CLXN: variants seen among roughly 807,000 people sequenced by gnomAD.
CLXN encodes calaxin.
At chr8:48,718,093 G>T in the CLXN span, among the ~76,000 whole-genome samples, 16 of 152,230 alleles carry the variant, frequency 1.1e-4, no homozygotes, top group African/African-American at 3.9e-4. Flanking sequence ...CAAGAGACTT[G>T]CTTTAAATTT....
chr8:48,730,041 T>TAGAAAATATTTCCTG, the CLXN span: 1 of 485,114 alleles, frequency 2.1e-6, no homozygotes, highest in Non-Finnish European at 3.5e-6. Context: ...CAATAATCCT[T>TAGAAAATATTTCCTG]AGAAAATATT....
the CLXN span, among the ~76,000 whole-genome samples, chr8:48,719,498 C>T: frequency 6.6e-6 from 1 of 152,096 alleles, no homozygotes; most frequent in Non-Finnish European, 1.5e-5. Flanking sequence ...CCCTGATGAA[C>T]ATTGGAACAA....
At chr8:48,730,103 C>A in the CLXN span, 6 of 391,876 alleles carry the variant, frequency 1.5e-5, no homozygotes, top group Non-Finnish European at 2.3e-5. Flanking sequence ...ACTTGAATAT[C>A]TTCACCTTGA....
the CLXN span, chr8:48,735,014 C>A: frequency 1.3e-6 from 2 of 1,531,834 alleles, no homozygotes; most frequent in South Asian, 2.3e-5. Flanking sequence ...GAAGCAGGCA[C>A]AACAGCGGAC....
the CLXN span, among the ~76,000 whole-genome samples, chr8:48,712,929 G>C: frequency 6.7e-6 from 1 of 150,068 alleles, no homozygotes; most frequent in Non-Finnish European, 1.5e-5. Context: ...GAATCTGGGA[G>C]GCAGAGGTTG....
At chr8:48,729,239 G>C in the CLXN span, 1 of 1,079,724 alleles carries the variant, frequency 9.3e-7, no homozygotes, top group Non-Finnish European at 1.3e-6. Flanking sequence ...AAAAAAATGT[G>C]CTAGGCTGGG....
At chr8:48,723,108 T>C in the CLXN span, among the ~76,000 whole-genome samples, 8 of 152,312 alleles carry the variant, frequency 5.3e-5, no homozygotes, top group African/African-American at 1.7e-4. Context: ...TTAACAGTAT[T>C]ATATATTTGA....
chr8:48,731,439 C>T, the CLXN span: 1 of 1,613,402 alleles, frequency 6.2e-7, no homozygotes, highest in Admixed American at 1.7e-5. Flanking sequence ...CCAGACCTTG[C>T]CTCTCTACTC....
chr8:48,728,949 G>A, the CLXN span: 1 of 788,748 alleles, frequency 1.3e-6, no homozygotes, highest in South Asian at 2.0e-5. Flanking sequence ...TTGGTGGACA[G>A]GATTTGTCTG....
the CLXN span, among the ~76,000 whole-genome samples, chr8:48,720,123 C>T: frequency 4.6e-5 from 7 of 152,302 alleles, no homozygotes; most frequent in Middle Eastern, 0.01. Flanking sequence ...TACGTCACCT[C>T]AGGACCACTG....
chr8:48,725,847 A>C, the CLXN span, among the ~76,000 whole-genome samples: 1 of 151,920 alleles, frequency 6.6e-6, no homozygotes, highest in Non-Finnish European at 1.5e-5. Flanking sequence ...ATAAATAATA[A>C]AATTCTAATC....
chr8:48,722,796 A>G, the CLXN span, among the ~76,000 whole-genome samples: 1 of 152,150 alleles, frequency 6.6e-6, no homozygotes, highest in Admixed American at 6.5e-5. Context: ...ACACAATGAA[A>G]TATCATTCTG....
chr8:48,716,894 T>G, the CLXN span, among the ~76,000 whole-genome samples: 1 of 152,172 alleles, frequency 6.6e-6, no homozygotes, highest in Non-Finnish European at 1.5e-5. Context: ...GAATTTTACT[T>G]AACTAATTAA....
chr8:48,729,587 T>A, the CLXN span: 1 of 857,850 alleles, frequency 1.2e-6, no homozygotes, highest in Non-Finnish European at 1.7e-6. Flanking sequence ...ACTATTAATA[T>A]GTTGAGGAGC....
the CLXN span, among the ~76,000 whole-genome samples, chr8:48,717,038 G>A: frequency 6.6e-6 from 1 of 152,156 alleles, no homozygotes; most frequent in Non-Finnish European, 1.5e-5. Context: ...GGTGGCACGT[G>A]CCTGTAATCC....
At chr8:48,729,816 C>T in the CLXN span, 1 of 1,613,384 alleles carries the variant, frequency 6.2e-7, no homozygotes, top group Non-Finnish European at 8.5e-7. Flanking sequence ...ACATGTGAAA[C>T]ATTTCCTCCT....
the CLXN span, chr8:48,734,760 A>C: frequency 3.9e-6 from 1 of 254,450 alleles, no homozygotes; most frequent in Non-Finnish European, 7.5e-6. Flanking sequence ...TCTTGAGACC[A>C]GTTGGTTTTA....
chr8:48,735,311 G>A, the CLXN span: 2 of 757,500 alleles, frequency 2.6e-6, no homozygotes, highest in South Asian at 1.8e-5. Flanking sequence ...CCAAGGCAAC[G>A]GCTCAGCCCG....
At chr8:48,733,118 TAC>T in the CLXN span, among the ~76,000 whole-genome samples, 2 of 151,188 alleles carry the variant, frequency 1.3e-5, no homozygotes, top group Non-Finnish European at 3.0e-5. Context: ...TGTAACCACA[TAC>T]ACACACACAC....
Sources: allele counts gnomAD v4.1 joint callset (sites outside exome capture counted in the v4.1 genomes callset), GRCh38; gene constraint gnomAD v4.1.1; transcripts MANE v1.5; gene names NCBI Gene and HGNC (gene_info 2026-07-23, HGNC 2026-07-21).